RSPH10B: variants seen among roughly 807,000 people sequenced by gnomAD.
RSPH10B encodes the protein radial spoke head 10 homolog B.
In RSPH10B, 7 loss-of-function variants were observed where a neutral mutation model predicts 52.5. The observed-to-expected ratio is 0.13, with a 90% CI of 0.08 to 0.25. The LOEUF (loss-of-function observed/expected upper bound fraction) is 0.25. RSPH10B is among the 10% of genes least tolerant of loss of function. RSPH10B has a pLI of 1.00. For synonymous variants in RSPH10B, 28 were observed against 193.2 expected, an observed-to-expected ratio of 0.14 and a Z score of 7.09; for missense variants, 89 against 542.5, an observed-to-expected ratio of 0.16 and a Z score of 8.30.
At chr7:5,931,318 C>T (rs1179336928) in intron 17 of RSPH10B, among the ~76,000 whole-genome samples, 4 of 151,076 alleles carry the variant, frequency 2.6e-5, no homozygotes, top group Non-Finnish European at 5.9e-5. Context: ...CGGGAAACGA[C>T]AGGCACTGTA....
chr7:5,927,037 G>GTATT (rs1260298154), intron 18 of RSPH10B, among the ~76,000 whole-genome samples: 2 of 46,880 alleles, frequency 4.3e-5, no homozygotes, highest in Non-Finnish European at 8.8e-5. Flanking sequence ...GTGTGTGTGT[G>GTATT]TGTGTGTGTA....
intron 1 of RSPH10B, among the ~76,000 whole-genome samples, chr7:5,965,963 G>C (rs1388406125): frequency 9.1e-6 from 1 of 109,310 alleles, no homozygotes; most frequent in African/African-American, 3.6e-5. Context: ...GTCTCACTCT[G>C]TCGCCCGGGC....
chr7:5,955,030 T>C (rs1233412955), intron 7 of RSPH10B, among the ~76,000 whole-genome samples: 1 of 116,576 alleles, frequency 8.6e-6, no homozygotes, highest in Non-Finnish European at 1.7e-5. Flanking sequence ...CCGGGCGTGG[T>C]GGCGCACACC....
intron 3 of RSPH10B, among the ~76,000 whole-genome samples, chr7:5,961,272 G>A (rs1348904825): frequency 7.0e-6 from 1 of 143,028 alleles, no homozygotes. Context: ...AGGACTGCTT[G>A]AGGCCGGGAA....
Position 5,957,813 on chromosome 7 carries a change from A to G in RSPH10B, c.780+94T>C, listed in dbSNP as rs1177261012. ...AGACTCTGTCTCAAAACAAAAACAA[A>G]AACAAAAACAAAACCCAAAAAGAAA... On this transcript the variant is annotated intron_variant, in intron 6 of 18. Coordinates refer to ENST00000337579, the Ensembl canonical transcript of RSPH10B. 13 of 1,478,858 alleles carry G rather than the reference A, an allele frequency of 8.8e-6. 3 individuals carry two copies. The highest frequency in any genetic ancestry group is 3.1e-5 in the African/African-American group (2 of 65,496). 91.6% of individuals were successfully genotyped at this position (1,478,858 alleles called of 1,614,324 possible). A position where few individuals can be genotyped will look rare whatever the true frequency, so the allele number is the denominator to read the frequency against.
intron 18 of RSPH10B, 22 bp downstream of exon 20, chr7:5,928,174 G>C (rs1159111431): frequency 6.2e-7 from 1 of 1,607,462 alleles, no homozygotes; most frequent in African/African-American, 1.3e-5. Flanking sequence ...TGGGGAAGGA[G>C]AGGAGGGACC....
Position 5,954,988 on chromosome 7 carries a change from TAAA to T in RSPH10B, c.957+1014_957+1016del, listed in dbSNP as rs1185408288. Among the ~76,000 whole-genome samples, 9 of 24,156 alleles carry T rather than the reference TAAA, an allele frequency of 3.7e-4. No homozygotes were observed. In the East Asian group the frequency reaches 0.02, roughly 53 times the overall value. The allele number at this position is 24,156 out of a possible 152,430, so 15.8% of individuals were successfully genotyped here. ...AACACGGCAAAACCCCTGTAACTAC[TAAA>T]AAAAAAAAAAAAAAAAAAAAAAAAA... is the stretch of plus-strand genomic sequence containing the variant. On this transcript the variant is annotated intron_variant, in intron 7 of 18. Transcript: ENST00000337579.
intron 6 of RSPH10B, among the ~76,000 whole-genome samples, chr7:5,956,576 T>C (rs1209160763): frequency 7.3e-6 from 1 of 136,548 alleles, no homozygotes; most frequent in African/African-American, 2.6e-5. Flanking sequence ...TGCTTTTATA[T>C]ATTTTTATTT....
intron 13 of RSPH10B, chr7:5,943,095 T>C (rs538396127): frequency 1.1e-6 from 1 of 914,618 alleles, no homozygotes; most frequent in South Asian, 1.7e-5. Context: ...TGGACCATTG[T>C]CTTGCCCTAA....
At chr7:5,940,946 ATT>A (rs1562565247) in intron 13 of RSPH10B, among the ~76,000 whole-genome samples, 2,963 of 55,350 alleles carry the variant, frequency 0.054, 218 homozygotes, top group African/African-American at 0.16. Flanking sequence ...AATAATAATT[ATT>A]ATTATTATTA....
intron 14 of RSPH10B, among the ~76,000 whole-genome samples, chr7:5,938,502 C>T (rs1487910577): frequency 3.3e-4 from 19 of 58,128 alleles, no homozygotes; most frequent in African/African-American, 9.1e-4. Flanking sequence ...GGCGTGAACC[C>T]GGGAGGCGGA....
intron 14 of RSPH10B, 138 bp downstream of exon 16, chr7:5,938,580 CAAAA>C: frequency 0.012 from 152 of 12,680 alleles, no homozygotes; most frequent in East Asian, 0.02. Flanking sequence ...ACTCCGTCTC[CAAAA>C]AAAAAAAAAA....
At chr7:5,964,058 T>TGACA (rs1244082066) in intron 3 of RSPH10B, among the ~76,000 whole-genome samples, 1 of 149,518 alleles carries the variant, frequency 6.7e-6, no homozygotes, top group Non-Finnish European at 1.5e-5. Context: ...ACAGCCTGGG[T>TGACA]GACAGAGCAA....
At chr7:5,970,545 C>T (rs1781272811), upstream of RSPH10B, 1 of 144,718 alleles carries the variant, frequency 6.9e-6, no homozygotes, top group Non-Finnish European at 1.5e-5. Context: ...CGCGTCAGTC[C>T]GGCCGGGAAG....
intron 6 of RSPH10B, 98 bp downstream of exon 8, chr7:5,957,809 A>C: frequency 6.8e-7 from 1 of 1,477,068 alleles, no homozygotes; most frequent in Non-Finnish European, 8.9e-7. Flanking sequence ...CAAAACAAAA[A>C]CAAAAACAAA....
rs1445715811 is a variant in RSPH10B, at chr7:5,958,987, A to G, written c.659+6T>C. 5.3e-6 allele frequency: 7 copies of G among 1,326,924 alleles called. 1 individual carries two copies. In the East Asian group the frequency reaches 1.6e-4, roughly 30 times the overall value. 82.2% of individuals were successfully genotyped at this position (1,326,924 alleles called of 1,614,324 possible). On this transcript the variant is annotated splice_donor_region_variant and intron_variant, in intron 5 of 18. Transcript: ENST00000337579. ...ACACCCCAAGCGCGGCGGTGGTCAT[A>G]CCTACCATCTTATTCCCCAGCCCTT...
intron 13 of RSPH10B, among the ~76,000 whole-genome samples, chr7:5,942,240 G>C (rs1174670914): frequency 7.1e-6 from 1 of 141,540 alleles, no homozygotes; most frequent in Non-Finnish European, 1.6e-5. Context: ...AAAGACTAAG[G>C]TGTTCCTCCA....
chr7:5,961,252 C>T (rs1411438466), intron 3 of RSPH10B, among the ~76,000 whole-genome samples: 1 of 141,082 alleles, frequency 7.1e-6, no homozygotes, highest in Non-Finnish European at 1.6e-5. Flanking sequence ...CTTTGGGAGA[C>T]TGAGGCGGGA....
chr7:5,940,938 TAATA>T (rs1562565164), intron 13 of RSPH10B, among the ~76,000 whole-genome samples: 12 of 63,958 alleles, frequency 1.9e-4, no homozygotes, highest in African/African-American at 5.0e-4. Flanking sequence ...ATAATAATAA[TAATA>T]ATTATTATTA....
Sources: allele counts gnomAD v4.1 joint callset (sites outside exome capture counted in the v4.1 genomes callset), GRCh38; gene constraint gnomAD v4.1.1; transcripts MANE v1.5; gene names NCBI Gene and HGNC (gene_info 2026-07-23, HGNC 2026-07-21).